ST18: variants seen among roughly 807,000 people sequenced by gnomAD.
ST18 encodes the protein suppression of tumorigenicity 18 protein.
A neutral mutation model predicts 110.0 loss-of-function variants in ST18; 50 were observed. That is an observed-to-expected ratio of 0.45 (90% CI 0.36 to 0.58). The LOEUF (loss-of-function observed/expected upper bound fraction) is 0.58. Ranked by LOEUF, ST18 falls within the 20% of genes least tolerant of loss-of-function variation. The pLI is 0.00. For missense variants in ST18, 1,306 were observed against 1,280.1 expected (o/e 1.02, Z -0.31); for synonymous variants, 461 against 452.4 (o/e 1.02, Z -0.24).
intron 8 of ST18, among the ~76,000 whole-genome samples, chr8:52,205,782 G>A (rs2079793795): frequency 6.6e-6 from 1 of 152,022 alleles, no homozygotes; most frequent in Non-Finnish European, 1.5e-5. Context: ...TGGCCAAGCT[G>A]GTCTCAAACT....
At chr8:52,272,263 A>C (rs1397648485) in intron 2 of ST18, among the ~76,000 whole-genome samples, 1 of 152,222 alleles carries the variant, frequency 6.6e-6, no homozygotes, top group Non-Finnish European at 1.5e-5. Context: ...AACAGAGTGA[A>C]AAGAGTGGGA....
chr8:52,136,477 T>C (rs3815868), intron 19 of ST18, 113 bp downstream of exon 19: 214,484 of 1,040,936 alleles, frequency 0.21, 29,514 homozygotes, highest in African/African-American at 0.64. Flanking sequence ...GCTGTGATCC[T>C]GGCAGGCAGG....
intron 17 of ST18, 149 bp from the exon 18 acceptor site, chr8:52,137,632 T>C: frequency 1.5e-6 from 1 of 677,402 alleles, no homozygotes; most frequent in Non-Finnish European, 2.4e-6. Context: ...CAAGGATTTA[T>C]ATTATATAAG....
chr8:52,338,353 C>G (rs370565290), intron 2 of ST18, among the ~76,000 whole-genome samples: 5 of 151,720 alleles, frequency 3.3e-5, no homozygotes, highest in African/African-American at 1.2e-4. Flanking sequence ...CCACCGTGCC[C>G]GGCCAGACAT....
At chr8:52,357,681 ATAT>A (rs1823487542) in intron 2 of ST18, among the ~76,000 whole-genome samples, 8 of 19,026 alleles carry the variant, frequency 4.2e-4, no homozygotes, top group East Asian at 1.8e-3. Flanking sequence ...CTATAAATAT[ATAT>A]ATATATATAT....
chr8:52,309,541 A>G lies in ST18; in HGVS notation c.-464-79464T>C, dbSNP rs957232247. Among the ~76,000 whole-genome samples the G allele has an allele frequency of 7.3e-5, 11 of 151,030 alleles. No homozygotes were observed. The East Asian group carries it at 1.6e-3, about 21-fold the overall frequency. On this transcript the variant is annotated intron_variant, in intron 2 of 25. Transcript: ENST00000689386. Reference sequence around the variant, plus strand: ...ATCTCAAAAAAAAAAAAAAAAAAAAAAAAGAAATCACGTGGCTCATGGAAA... The same window carrying G: ...ATCTCAAAAAAAAAAAAAAAAAAAAGAAAGAAATCACGTGGCTCATGGAAA...
At chr8:52,210,007 T>C (rs1421742430) in intron 8 of ST18, 3 of 453,670 alleles carry the variant, frequency 6.6e-6, no homozygotes, top group South Asian at 3.1e-5. Flanking sequence ...TGAGTAAAAG[T>C]TGTTTTCAAG....
At chr8:52,183,257 C>T (rs1469181515) in intron 8 of ST18, among the ~76,000 whole-genome samples, 1 of 152,178 alleles carries the variant, frequency 6.6e-6, no homozygotes, top group Non-Finnish European at 1.5e-5. Flanking sequence ...ATATACACAA[C>T]AGTCATTCAG....
At chr8:52,317,484 C>T (rs973144838) in intron 2 of ST18, among the ~76,000 whole-genome samples, 1 of 152,198 alleles carries the variant, frequency 6.6e-6, no homozygotes, top group African/African-American at 2.4e-5. Context: ...TTCTAGTCTC[C>T]AGAACTGTAA....
chr8:52,268,453 C>T (rs1208340875), intron 2 of ST18, among the ~76,000 whole-genome samples: 3 of 146,874 alleles, frequency 2.0e-5, no homozygotes, highest in African/African-American at 7.4e-5. Context: ...ATCTATCTAT[C>T]GTCTATCTAT....
intron 2 of ST18, among the ~76,000 whole-genome samples, chr8:52,293,596 G>A (rs912098623): frequency 6.6e-6 from 1 of 152,126 alleles, no homozygotes; most frequent in African/African-American, 2.4e-5. Flanking sequence ...CTTACATCCA[G>A]AGCATGGTTC....
chr8:52,408,813 T>C (rs1202681890), intron 2 of ST18, among the ~76,000 whole-genome samples: 2 of 152,238 alleles, frequency 1.3e-5, no homozygotes, highest in Non-Finnish European at 2.9e-5. Context: ...ACATATAGCA[T>C]GCATATGTTG....
chr8:52,201,819 G>A (rs1483479437), intron 8 of ST18, among the ~76,000 whole-genome samples: 2 of 152,110 alleles, frequency 1.3e-5, no homozygotes, highest in African/African-American at 4.8e-5. Flanking sequence ...GATGGGCGGT[G>A]GGCTCATTGA....
intron 9 of ST18, among the ~76,000 whole-genome samples, 179 bp from the exon 10 acceptor site, chr8:52,172,762 C>T (rs1157258338): frequency 6.6e-6 from 1 of 151,986 alleles, no homozygotes; most frequent in Non-Finnish European, 1.5e-5. Flanking sequence ...ATTTTATAAA[C>T]ATTGGTGAGA....
intron 8 of ST18, among the ~76,000 whole-genome samples, chr8:52,205,048 G>A (rs968892854): frequency 6.6e-6 from 1 of 151,552 alleles, no homozygotes; most frequent in Non-Finnish European, 1.5e-5. Flanking sequence ...TAGACAAGCT[G>A]GAGAGTACTC....
At chr8:52,275,268 T>C (rs993516728) in intron 2 of ST18, among the ~76,000 whole-genome samples, 1 of 152,212 alleles carries the variant, frequency 6.6e-6, no homozygotes, top group Non-Finnish European at 1.5e-5. Flanking sequence ...ACTTGTGACC[T>C]TGTGAATAGT....
intron 2 of ST18, among the ~76,000 whole-genome samples, chr8:52,318,990 C>A (rs1218420549): frequency 6.6e-6 from 1 of 152,028 alleles, no homozygotes; most frequent in Non-Finnish European, 1.5e-5. Flanking sequence ...GGCTTAATAC[C>A]TGGATGATGG....
chr8:52,353,097 C>T (rs903930391), intron 2 of ST18, among the ~76,000 whole-genome samples: 2 of 151,980 alleles, frequency 1.3e-5, no homozygotes, highest in African/African-American at 2.4e-5. Context: ...AGGGGTTTGT[C>T]GTATATCAAA....
At chr8:52,277,453 T>A (rs1352602930) in intron 2 of ST18, among the ~76,000 whole-genome samples, 1 of 152,232 alleles carries the variant, frequency 6.6e-6, no homozygotes, top group South Asian at 2.1e-4. Context: ...TTTCTTCCAC[T>A]GCAATGTTGA....
Sources: allele counts gnomAD v4.1 joint callset (sites outside exome capture counted in the v4.1 genomes callset), GRCh38; gene constraint gnomAD v4.1.1; transcripts MANE v1.5; gene names NCBI Gene and HGNC (gene_info 2026-07-23, HGNC 2026-07-21).